The following UCK2 variants were observed in gnomAD, a reference collection of about 807,000 sequenced individuals.
UCK2 encodes the protein cytidine monophosphokinase 2.
A neutral mutation model predicts 30.8 loss-of-function variants in UCK2; 6 were observed. That is an observed-to-expected ratio of 0.19 (90% CI 0.11 to 0.38). The LOEUF (loss-of-function observed/expected upper bound fraction) is 0.38. Among genes scored for constraint, UCK2 ranks in the 10% least tolerant of loss-of-function variants. The pLI, the probability that UCK2 is intolerant of heterozygous loss-of-function variation, is 1.00. For synonymous variants in UCK2, 125 were observed against 133.6 expected, an observed-to-expected ratio of 0.94 and a Z score of 0.45; for missense variants, 210 against 339.8, an observed-to-expected ratio of 0.62 and a Z score of 3.00.
At chr1:165,897,116 G>A (rs1270026288) in intron 4 of UCK2, among the ~76,000 whole-genome samples, 5 of 152,178 alleles carry the variant, frequency 3.3e-5, no homozygotes, top group Admixed American at 2.6e-4. Context: ...GGCTTGTTCC[G>A]AGAGTGGCAG....
intron 1 of UCK2, among the ~76,000 whole-genome samples, chr1:165,845,599 G>A (rs145631544): frequency 7.2e-5 from 11 of 152,270 alleles, no homozygotes; most frequent in Non-Finnish European, 1.3e-4. Flanking sequence ...AAATATTTAA[G>A]TCTCATCAGC....
intron 3 of UCK2, 165 bp downstream of exon 3, chr1:165,891,487 G>C (rs1655766822): frequency 1.6e-6 from 1 of 629,366 alleles, no homozygotes; most frequent in Non-Finnish European, 2.8e-6. Context: ...AGCAGTGTGT[G>C]CTGTGGGATT....
intron 4 of UCK2, among the ~76,000 whole-genome samples, chr1:165,896,987 T>C (rs944541860): frequency 6.6e-6 from 1 of 152,148 alleles, no homozygotes; most frequent in African/African-American, 2.4e-5. Flanking sequence ...GAGAGTTCGC[T>C]TCCACCAGGA....
At chr1:165,880,559 TTTTGGGGGTGTGTGTGTG>T (rs1203278613) in intron 1 of UCK2, among the ~76,000 whole-genome samples, 1 of 86,096 alleles carries the variant, frequency 1.2e-5, no homozygotes, top group Admixed American at 1.2e-4. Context: ...ATTCAGTTTT[TTTTGGGGGTGTGTGTGTG>T]TGTGTGTGTG....
intron 1 of UCK2, among the ~76,000 whole-genome samples, chr1:165,846,086 G>A (rs1021042364): frequency 8.5e-5 from 13 of 152,144 alleles, no homozygotes; most frequent in African/African-American, 3.1e-4. Flanking sequence ...GAGCCCAGGA[G>A]TTCCAGACCA....
At chr1:165,875,367 T>G (rs186367164) in intron 1 of UCK2, among the ~76,000 whole-genome samples, 3 of 152,276 alleles carry the variant, frequency 2.0e-5, no homozygotes, top group Admixed American at 2.0e-4. Context: ...TGAAACCACA[T>G]TTTTCCTTTA....
chr1:165,904,057 T>C (rs1485712916), intron 5 of UCK2: 1 of 152,162 alleles, frequency 6.6e-6, no homozygotes, highest in Non-Finnish European at 1.5e-5. Flanking sequence ...GAATTATTTA[T>C]AGTTAAGCTC....
chr1:165,889,436 T>C (rs1426388948), intron 1 of UCK2, among the ~76,000 whole-genome samples: 1 of 152,198 alleles, frequency 6.6e-6, no homozygotes, highest in Non-Finnish European at 1.5e-5. Context: ...ATGCCTTCAT[T>C]CTACTTTCTG....
At chr1:165,850,663 G>A (rs1174390041) in intron 1 of UCK2, among the ~76,000 whole-genome samples, 1 of 149,080 alleles carries the variant, frequency 6.7e-6, no homozygotes, top group African/African-American at 2.5e-5. Context: ...CTGTTGCCCA[G>A]GCTGGAGTGC....
chr1:165,861,754 A>T (rs905407604), intron 1 of UCK2, among the ~76,000 whole-genome samples: 1 of 151,902 alleles, frequency 6.6e-6, no homozygotes, highest in African/African-American at 2.4e-5. Context: ...AGATGAAGGA[A>T]CTCAGGTTAA....
At chr1:165,899,456 G>A (rs1647383538) in intron 4 of UCK2, among the ~76,000 whole-genome samples, 1 of 152,190 alleles carries the variant, frequency 6.6e-6, no homozygotes, top group Admixed American at 6.5e-5. Flanking sequence ...CTATAGAGTA[G>A]CACATTTCCT....
At chr1:165,831,368 A>G (rs536956645) in intron 1 of UCK2, among the ~76,000 whole-genome samples, 8 of 152,336 alleles carry the variant, frequency 5.3e-5, no homozygotes, top group African/African-American at 1.7e-4. Context: ...TGGGCAACGT[A>G]GCAAGACCCC....
rs74118943 is a variant in UCK2 at position 165,910,584 on chromosome 1, A to G, written c.*2761A>G. ...ACACTAATGAGCCTTCTACTGACCC[A>G]AGTTTCTTTTTCTCGGGCAGCCTGG... On this transcript the variant is annotated 3_prime_UTR_variant, in exon 7 of 7. Transcript: ENST00000367879. 2.9e-4 allele frequency: 44 copies of G among 152,366 alleles called. No homozygotes were observed. The highest frequency in any genetic ancestry group is 9.6e-4 in the African/African-American group (40 of 41,552). The allele number at this position is 152,366 out of a possible 1,614,324, so 9.4% of individuals were successfully genotyped here. A position where few individuals can be genotyped will look rare whatever the true frequency, so the allele number is the denominator to read the frequency against.
chr1:165,855,387 C>G (rs780251235), intron 1 of UCK2, among the ~76,000 whole-genome samples: 1 of 152,116 alleles, frequency 6.6e-6, no homozygotes, highest in African/African-American at 2.4e-5. Context: ...TACTTCCTTA[C>G]ATTTTGTTTC....
At chr1:165,874,491 CT>C (rs903612892) in intron 1 of UCK2, among the ~76,000 whole-genome samples, 14 of 152,166 alleles carry the variant, frequency 9.2e-5, no homozygotes, top group Non-Finnish European at 2.1e-4. Context: ...CATCCTCCCC[CT>C]GGCAGCCTCC....
At chr1:165,861,420 A>T (rs940946951) in intron 1 of UCK2, among the ~76,000 whole-genome samples, 1 of 151,816 alleles carries the variant, frequency 6.6e-6, no homozygotes, top group Non-Finnish European at 1.5e-5. Flanking sequence ...CGAGGTCCGG[A>T]CATCGAGACC....
In UCK2 at chr1:165,907,863, A is replaced by G. The variant is rs1392750074; in HGVS notation, c.*40A>G. On this transcript the variant is annotated 3_prime_UTR_variant, in exon 7 of 7. Transcript: ENST00000367879. The stretch of plus-strand genomic sequence containing the variant: ...ACCCCAGCCCCTATCTCCAAGAGAC[A>G]GAGGAGGGGTCAGGAGGCACTGCTC... 1.2e-6 allele frequency: 2 copies of G among 1,608,906 alleles called. No individual in the cohort carries two copies. Among genetic ancestry groups the G allele is most frequent in the African/African-American group, 1.3e-5 (1 of 74,820 alleles).
chr1:165,854,002 T>C (rs1222487709), intron 1 of UCK2, among the ~76,000 whole-genome samples: 2 of 152,244 alleles, frequency 1.3e-5, no homozygotes, highest in Non-Finnish European at 2.9e-5. Context: ...ATGCTGAATG[T>C]TCACCAGTTC....
At chr1:165,861,650 C>A (rs10918296) in intron 1 of UCK2, among the ~76,000 whole-genome samples, 20,887 of 51,960 alleles carry the variant, frequency 0.4, 4,784 homozygotes, top group Middle Eastern at 0.52. Flanking sequence ...AAAAAAAAAA[C>A]AAAAAAAAAC....
Sources: gnomAD v4.1 joint callset for allele counts (sites outside exome capture counted in the v4.1 genomes callset) on GRCh38, gnomAD v4.1.1 for gene constraint, MANE v1.5 for transcripts, NCBI Gene and HGNC (gene_info 2026-07-23, HGNC 2026-07-21) for gene names.